MMP16: variants seen among roughly 807,000 people sequenced by gnomAD.
MMP16 encodes the protein matrix metalloproteinase-16.
A neutral mutation model predicts 67.8 loss-of-function variants in MMP16; 12 were observed. The observed-to-expected ratio is 0.18, with a 90% CI of 0.11 to 0.29. The LOEUF (loss-of-function observed/expected upper bound fraction) is 0.29. Ranked by LOEUF, MMP16 falls within the 10% of genes least tolerant of loss-of-function variation. The probability of loss-of-function intolerance (pLI) is 1.00; values close to 1 mark genes in which losing one functional copy is unlikely to be tolerated. For missense variants in MMP16, 475 were observed against 765.7 expected, an observed-to-expected ratio of 0.62 and a Z score of 4.48; for synonymous variants, 249 against 255.9, an observed-to-expected ratio of 0.97 and a Z score of 0.26.
At chr8:88,320,965 AT>A (rs1182838155) in intron 1 of MMP16, among the ~76,000 whole-genome samples, 1 of 152,158 alleles carries the variant, frequency 6.6e-6, no homozygotes, top group Admixed American at 6.5e-5. Flanking sequence ...GGAAACAACA[AT>A]CAAATATGGT....
intron 4 of MMP16, among the ~76,000 whole-genome samples, chr8:88,137,403 A>C (rs140399738): frequency 6.6e-6 from 1 of 151,980 alleles, no homozygotes; most frequent in Non-Finnish European, 1.5e-5. Flanking sequence ...AAAGCTGTCA[A>C]TATCACTGTC....
At chr8:88,311,366 G>T (rs1041268087) in intron 1 of MMP16, among the ~76,000 whole-genome samples, 2 of 152,120 alleles carry the variant, frequency 1.3e-5, no homozygotes, top group Admixed American at 1.3e-4. Flanking sequence ...ATTTTAATAA[G>T]ATGTTATTTG....
At chr8:88,074,165 T>G (rs1808606974) in intron 7 of MMP16, among the ~76,000 whole-genome samples, 1 of 152,162 alleles carries the variant, frequency 6.6e-6, no homozygotes, top group African/African-American at 2.4e-5. Context: ...ATTCCTTGAC[T>G]TCAGTTCTTA....
chr8:88,293,646 C>T (rs1810960325), intron 1 of MMP16, among the ~76,000 whole-genome samples: 1 of 152,014 alleles, frequency 6.6e-6, no homozygotes, highest in African/African-American at 2.4e-5. Flanking sequence ...CTAATTTAAT[C>T]CTGAAAACAT....
chr8:88,117,892 C>T (rs567912104), intron 5 of MMP16, among the ~76,000 whole-genome samples: 2 of 152,136 alleles, frequency 1.3e-5, no homozygotes, highest in African/African-American at 2.4e-5. Context: ...ACAAAAGCTT[C>T]ACTTCATTAA....
intron 1 of MMP16, among the ~76,000 whole-genome samples, chr8:88,269,218 T>G (rs1040174132): frequency 6.6e-6 from 1 of 152,186 alleles, no homozygotes. Flanking sequence ...TCATGGAAAA[T>G]AGTACTATGT....
At chr8:88,249,516 T>A (rs1810172895) in intron 1 of MMP16, among the ~76,000 whole-genome samples, 1 of 152,138 alleles carries the variant, frequency 6.6e-6, no homozygotes, top group Non-Finnish European at 1.5e-5. Flanking sequence ...TTACAGACAA[T>A]GTCTAGCTTT....
At chr8:88,261,888 A>C (rs1231098820) in intron 1 of MMP16, among the ~76,000 whole-genome samples, 1 of 152,030 alleles carries the variant, frequency 6.6e-6, no homozygotes, top group Non-Finnish European at 1.5e-5. Flanking sequence ...ATATTATATT[A>C]TTAATATTTA....
intron 9 of MMP16, among the ~76,000 whole-genome samples, chr8:88,042,266 T>C (rs999626686): frequency 3.3e-5 from 5 of 152,186 alleles, no homozygotes; most frequent in African/African-American, 1.2e-4. Flanking sequence ...CGCTTCTCTA[T>C]GAAACACCTC....
chr8:88,131,266 T>TACACACACACAC (rs1330877613), intron 4 of MMP16, among the ~76,000 whole-genome samples: 1 of 107,526 alleles, frequency 9.3e-6, no homozygotes, highest in African/African-American at 4.0e-5. Context: ...TCTATAGTAT[T>TACACACACACAC]ATACACACAC....
intron 6 of MMP16, among the ~76,000 whole-genome samples, chr8:88,081,311 G>A (rs1808747658): frequency 6.6e-6 from 1 of 152,138 alleles, no homozygotes; most frequent in Non-Finnish European, 1.5e-5. Context: ...CCACTGAACT[G>A]ACTCATTCTT....
chr8:88,320,002 AT>A (rs1811433822), intron 1 of MMP16, among the ~76,000 whole-genome samples: 1 of 152,190 alleles, frequency 6.6e-6, no homozygotes, highest in Admixed American at 6.5e-5. Flanking sequence ...AGCTTATAAT[AT>A]TTTAATTAAA....
chr8:88,087,736 G>C (rs1808858070), intron 6 of MMP16, among the ~76,000 whole-genome samples: 1 of 151,588 alleles, frequency 6.6e-6, no homozygotes, highest in Admixed American at 6.6e-5. Flanking sequence ...TTGAGCCCAG[G>C]AGTTCAAGAC....
At chr8:88,096,537 T>C (rs776568732) in intron 6 of MMP16, among the ~76,000 whole-genome samples, 6 of 151,992 alleles carry the variant, frequency 3.9e-5, no homozygotes, top group Non-Finnish European at 7.4e-5. Flanking sequence ...CTTTCGTGTT[T>C]TAAAAATAAA....
intron 4 of MMP16, among the ~76,000 whole-genome samples, chr8:88,135,722 A>G (rs1254513532): frequency 2.6e-5 from 4 of 151,962 alleles, no homozygotes; most frequent in Non-Finnish European, 5.9e-5. Flanking sequence ...AAACAAAAAA[A>G]TCCAGGATAA....
At chr8:88,309,167 T>G (rs753256363) in intron 1 of MMP16, among the ~76,000 whole-genome samples, 3 of 152,046 alleles carry the variant, frequency 2.0e-5, no homozygotes, top group Admixed American at 6.6e-5. Flanking sequence ...ACCAATTAAC[T>G]CACATGTACT....
chr8:88,103,360 C>T (rs1466590108), intron 6 of MMP16, among the ~76,000 whole-genome samples: 1 of 151,740 alleles, frequency 6.6e-6, no homozygotes, highest in Non-Finnish European at 1.5e-5. Context: ...GTGGCTTGGT[C>T]ATCATTTTAT....
At chr8:88,142,595 A>G (rs1290467334) in intron 4 of MMP16, among the ~76,000 whole-genome samples, 1 of 152,182 alleles carries the variant, frequency 6.6e-6, no homozygotes, top group Non-Finnish European at 1.5e-5. Flanking sequence ...GATTAAAAAT[A>G]TTATAAACCA....
At chr8:88,310,715 T>C (rs1397377232) in intron 1 of MMP16, among the ~76,000 whole-genome samples, 3 of 152,148 alleles carry the variant, frequency 2.0e-5, no homozygotes, top group Admixed American at 6.6e-5. Flanking sequence ...CCTTGTACAA[T>C]GGATTATTCG....
Sources: gnomAD v4.1 joint callset for allele counts (sites outside exome capture counted in the v4.1 genomes callset) on GRCh38, gnomAD v4.1.1 for gene constraint, MANE v1.5 for transcripts, NCBI Gene and HGNC (gene_info 2026-07-23, HGNC 2026-07-21) for gene names.